The following SCHIP1 variants were observed in gnomAD, a reference collection of about 807,000 sequenced individuals.
SCHIP1 encodes schwannomin-interacting protein 1.
In SCHIP1, 8 loss-of-function variants were observed where a neutral mutation model predicts 29.7. That is an observed-to-expected ratio of 0.27 (90% CI 0.16 to 0.49). SCHIP1 has a LOEUF of 0.49. Among genes scored for constraint, SCHIP1 ranks in the 20% least tolerant of loss-of-function variants. The pLI is 0.99. For missense variants in SCHIP1, 193 were observed against 294.6 expected (o/e 0.66, Z 2.52); for synonymous variants, 76 against 94.9 (o/e 0.80, Z 1.16).
chr3:159,473,843 G>A, the SCHIP1 span, among the ~76,000 whole-genome samples: 1 of 152,014 alleles, frequency 6.6e-6, no homozygotes, highest in South Asian at 2.1e-4. Context: ...GAAATCAAGA[G>A]GAAACAGGTA....
At chr3:159,362,131 C>A in the SCHIP1 span, among the ~76,000 whole-genome samples, 5 of 152,050 alleles carry the variant, frequency 3.3e-5, no homozygotes, top group Admixed American at 3.3e-4. Context: ...TTAAAAGTAC[C>A]AGCTGAAGAT....
the SCHIP1 span, among the ~76,000 whole-genome samples, chr3:159,511,818 A>C: frequency 1.3e-5 from 2 of 152,216 alleles, no homozygotes; most frequent in Admixed American, 6.5e-5. Flanking sequence ...ATGGAACTTT[A>C]TCTCTTACCA....
At chr3:159,468,638 A>C in the SCHIP1 span, among the ~76,000 whole-genome samples, 20,882 of 149,078 alleles carry the variant, frequency 0.14, 1,531 homozygotes, top group Non-Finnish European at 0.16. Context: ...TAATAAAATA[A>C]AATTATTCTA....
the SCHIP1 span, among the ~76,000 whole-genome samples, chr3:159,597,306 G>A: frequency 6.6e-6 from 1 of 151,806 alleles, no homozygotes; most frequent in East Asian, 1.9e-4. Context: ...GGCTATTTAG[G>A]GTGTCCATCA....
chr3:159,557,817 TC>T, the SCHIP1 span, among the ~76,000 whole-genome samples: 10 of 152,280 alleles, frequency 6.6e-5, no homozygotes, highest in Non-Finnish European at 1.5e-4. Context: ...AATAGTCTCT[TC>T]TCTAGGAAAA....
chr3:159,672,400 C>T, the SCHIP1 span, among the ~76,000 whole-genome samples: 1 of 152,248 alleles, frequency 6.6e-6, no homozygotes, highest in African/African-American at 2.4e-5. Context: ...GCAGTCTCTT[C>T]ACATGGGTGC....
At chr3:159,526,177 CCTTTT>C in the SCHIP1 span, among the ~76,000 whole-genome samples, 2 of 152,246 alleles carry the variant, frequency 1.3e-5, no homozygotes, top group South Asian at 4.1e-4. Flanking sequence ...AATGACACAA[CCTTTT>C]ATTTTATTTT....
chr3:159,600,843 T>C, the SCHIP1 span, among the ~76,000 whole-genome samples: 2 of 152,356 alleles, frequency 1.3e-5, no homozygotes, highest in Admixed American at 6.5e-5. Flanking sequence ...TTTCTGAAGA[T>C]ATATCTGTGA....
chr3:159,788,089 C>T, the SCHIP1 span, among the ~76,000 whole-genome samples: 5 of 152,272 alleles, frequency 3.3e-5, no homozygotes, highest in African/African-American at 2.4e-5. Context: ...CAACAATCCC[C>T]GCAGCCTGGA....
chr3:159,273,251 G>T, the SCHIP1 span: 6 of 985,580 alleles, frequency 6.1e-6, no homozygotes, highest in Admixed American at 3.7e-4. Flanking sequence ...CTCAGAAAGA[G>T]ATAATCTGTG....
chr3:159,548,041 A>T, the SCHIP1 span, among the ~76,000 whole-genome samples: 1 of 152,134 alleles, frequency 6.6e-6, no homozygotes, highest in South Asian at 2.1e-4. Flanking sequence ...GCTATTTTAT[A>T]TCATTATCCC....
the SCHIP1 span, among the ~76,000 whole-genome samples, chr3:159,621,874 C>T: frequency 3.3e-5 from 5 of 152,112 alleles, no homozygotes; most frequent in African/African-American, 1.2e-4. Context: ...CCAGGTTGGC[C>T]AGGCTGATCT....
the SCHIP1 span, among the ~76,000 whole-genome samples, chr3:159,493,113 G>C: frequency 1.3e-5 from 2 of 152,182 alleles, no homozygotes; most frequent in African/African-American, 4.8e-5. Flanking sequence ...ACTAAACGTG[G>C]AAAGGAACAA....
At chr3:159,884,063 A>G (rs1258184486) in intron 2 of SCHIP1, among the ~76,000 whole-genome samples, 1 of 152,212 alleles carries the variant, frequency 6.6e-6, no homozygotes, top group East Asian at 1.9e-4. Flanking sequence ...CTGTGTATCC[A>G]GTAGCCAGAC....
the SCHIP1 span, among the ~76,000 whole-genome samples, chr3:159,736,784 A>AGTGCACAGGCTGG: frequency 6.6e-6 from 1 of 150,400 alleles, no homozygotes; most frequent in Non-Finnish European, 1.5e-5. Context: ...GCCCAGGCTG[A>AGTGCACAGGCTGG]AGTGCAGTGG....
intron 6 of SCHIP1, chr3:159,892,525 A>G (rs576204536): frequency 1.3e-4 from 68 of 511,150 alleles, no homozygotes; most frequent in Non-Finnish European, 2.1e-4. Flanking sequence ...TCATGCTGGC[A>G]TGTTTCCAGC....
At chr3:159,522,518 A>G in the SCHIP1 span, among the ~76,000 whole-genome samples, 3 of 152,226 alleles carry the variant, frequency 2.0e-5, no homozygotes, top group Non-Finnish European at 4.4e-5. Context: ...ATGCATGTAC[A>G]GTAGCAATAG....
chr3:159,292,393 G>T, the SCHIP1 span, among the ~76,000 whole-genome samples: 1 of 152,016 alleles, frequency 6.6e-6, no homozygotes, highest in African/African-American at 2.4e-5. Context: ...GAAGTAAACA[G>T]AGTCTTGGTT....
chr3:159,534,902 C>T, the SCHIP1 span, among the ~76,000 whole-genome samples: 1 of 152,106 alleles, frequency 6.6e-6, no homozygotes, highest in Non-Finnish European at 1.5e-5. Context: ...CTCTATTTAT[C>T]CACTCCCCAA....
Sources: allele counts gnomAD v4.1 joint callset (sites outside exome capture counted in the v4.1 genomes callset), GRCh38; gene constraint gnomAD v4.1.1; transcripts MANE v1.5; gene names NCBI Gene and HGNC (gene_info 2026-07-23, HGNC 2026-07-21).